Variants in CNGA3 observed in about 807,000 individuals in gnomAD.
The protein encoded by CNGA3 is cyclic nucleotide gated channel subunit alpha 3.
CNGA3 carries 42 observed loss-of-function variants against 46.6 expected under a neutral mutation model. The ratio of observed to expected loss-of-function variants is 0.90; its 90% CI spans 0.70 to 1.17. The LOEUF (loss-of-function observed/expected upper bound fraction) is 1.17. CNGA3 is among the 50% of genes most tolerant of loss of function. The pLI is 0.00. For synonymous variants in CNGA3, 394 were observed against 369.4 expected, an observed-to-expected ratio of 1.07 and a Z score of -0.76; for missense variants, 893 against 890.7, an observed-to-expected ratio of 1.00 and a Z score of -0.03.
chr2:98,397,020 C>T lies in CNGA3; in HGVS notation c.1850C>T (p.Ala617Val). The change falls in exon 8 of 8, where the codon GCC (alanine) becomes GTC (valine). Residue 617 changes from alanine (A) to valine (V), a missense_variant. By Grantham distance (64) the Ala-to-Val change is moderately conservative (BLOSUM62 0). Around this residue, in one of 3 missense-constraint regions of CNGA3, gnomAD observed 548 missense variants for 570.8 expected, o/e 0.96. Transcript: ENST00000272602. The stretch of plus-strand genomic sequence containing the variant: ...GACAACCTGATCGATGAGGAGCTGG[C>T]CAGGGCGGGCGCGGACCCCAAGGAC... ...MKDNLIDEEL[A>V]RAGADPKDLE... The T allele has an allele frequency of 6.2e-7, 1 of 1,613,940 alleles. No individual in the cohort carries two copies. The highest frequency in any genetic ancestry group is 8.5e-7 in the Non-Finnish European group (1 of 1,179,926).
intron 1 of CNGA3, among the ~76,000 whole-genome samples, chr2:98,368,735 C>G (rs945434832): frequency 6.6e-6 from 1 of 152,170 alleles, no homozygotes; most frequent in Non-Finnish European, 1.5e-5. Flanking sequence ...TCCCAAAACT[C>G]AGGGATCAGG....
At chr2:98,367,256 G>A (rs1477496886) in intron 1 of CNGA3, among the ~76,000 whole-genome samples, 3 of 148,292 alleles carry the variant, frequency 2.0e-5, no homozygotes, top group East Asian at 2.0e-4. Context: ...GTGCAGTGGC[G>A]CGATCTCGGC....
At chr2:98,394,030 C>A (rs1347953089) in intron 7 of CNGA3, among the ~76,000 whole-genome samples, 1 of 151,042 alleles carries the variant, frequency 6.6e-6, no homozygotes, top group Non-Finnish European at 1.5e-5. Context: ...GGCCTGGACC[C>A]GCAGCCCTAG....
intron 4 of CNGA3, among the ~76,000 whole-genome samples, chr2:98,380,723 A>G (rs1264077587): frequency 1.3e-5 from 2 of 152,172 alleles, no homozygotes; most frequent in Non-Finnish European, 2.9e-5. Flanking sequence ...AGACTCCACT[A>G]TGACCCATCT....
chr2:98,353,199 A>G (rs1416624714), intron 1 of CNGA3, among the ~76,000 whole-genome samples: 1 of 152,238 alleles, frequency 6.6e-6, no homozygotes, highest in Non-Finnish European at 1.5e-5. Flanking sequence ...GTGGACGTGT[A>G]CAGTTCAAAC....
At chr2:98,394,538 A>G (rs1050496387) in intron 7 of CNGA3, among the ~76,000 whole-genome samples, 2 of 152,194 alleles carry the variant, frequency 1.3e-5, no homozygotes, top group African/African-American at 2.4e-5. Context: ...ATGAATCCCC[A>G]TGTACCCTCA....
intron 1 of CNGA3, among the ~76,000 whole-genome samples, chr2:98,367,315 C>T (rs1692185980): frequency 6.6e-6 from 1 of 151,836 alleles, no homozygotes; most frequent in Non-Finnish European, 1.5e-5. Context: ...CTGCCTCAGC[C>T]TCCCGAGTAG....
chr2:98,382,876 T>C (rs1413506880), intron 4 of CNGA3, among the ~76,000 whole-genome samples: 1 of 152,146 alleles, frequency 6.6e-6, no homozygotes, highest in African/African-American at 2.4e-5. Flanking sequence ...CCACCTATGC[T>C]CAATTACTTG....
intron 1 of CNGA3, among the ~76,000 whole-genome samples, chr2:98,368,196 C>T (rs1009953233): frequency 6.6e-6 from 1 of 152,252 alleles, no homozygotes; most frequent in Non-Finnish European, 1.5e-5. Flanking sequence ...GAGCCGATGG[C>T]TGCCCTTTTG....
intron 7 of CNGA3, among the ~76,000 whole-genome samples, chr2:98,394,833 G>A (rs888796914): frequency 6.6e-6 from 1 of 152,194 alleles, no homozygotes; most frequent in Non-Finnish European, 1.5e-5. Flanking sequence ...CCAGATAGCT[G>A]TAATTTCACA....
chr2:98,381,107 C>G (rs968257381), intron 4 of CNGA3, among the ~76,000 whole-genome samples: 1 of 152,102 alleles, frequency 6.6e-6, no homozygotes, highest in Non-Finnish European at 1.5e-5. Flanking sequence ...AGAAGTCTCC[C>G]CAGCAGGTGG....
Position 98,378,187 on chromosome 2 carries a change from A to AG in CNGA3, c.215+390dup, listed in dbSNP as rs778662067. On this transcript the variant is annotated intron_variant, in intron 3 of 7. Coordinates refer to ENST00000272602, the MANE Select transcript of CNGA3 (RefSeq NM_001298.3). Reference sequence around the variant, plus strand: ...GTGATGAGTCTGAAATGGCTCTGGCAGGGTCTCCCGGGTGCTCGTCTGGAC... The same window carrying AG: ...GTGATGAGTCTGAAATGGCTCTGGCAGGGGTCTCCCGGGTGCTCGTCTGGAC... 2.6e-6 allele frequency: 4 copies of AG among 1,550,572 alleles called. No individual in the cohort carries two copies. The East Asian group carries it at 7.3e-5, about 28-fold the overall frequency.
chr2:98,346,690 C>T (rs535123990), intron 1 of CNGA3, among the ~76,000 whole-genome samples, 156 bp downstream of exon 1: 2 of 152,132 alleles, frequency 1.3e-5, no homozygotes, highest in Non-Finnish European at 2.9e-5. Context: ...GTCCGCAGCC[C>T]CCGGTGCTGA....
intron 3 of CNGA3, among the ~76,000 whole-genome samples, chr2:98,378,648 G>A (rs920013242): frequency 2.0e-5 from 3 of 152,212 alleles, no homozygotes; most frequent in Non-Finnish European, 4.4e-5. Flanking sequence ...TGTAAGTGAT[G>A]TTCAGTGTTT....
In CNGA3 at chr2:98,396,443, C is replaced by G. The variant is rs571419754; in HGVS notation, c.1273C>G (p.Gln425Glu). 2.3e-5 allele frequency: 37 copies of G among 1,613,892 alleles called. No individual in the cohort carries two copies. ...AKIDSIKQYM[Q>E]FRKVTKDLET... ...GATTGATTCCATCAAGCAGTACATG[C>G]AGTTCCGCAAGGTCACCAAGGACTT... The change falls in exon 8 of 8, where the codon CAG (glutamine) becomes GAG (glutamate). Residue 425 changes from glutamine to glutamate, a missense_variant. By Grantham distance (29) the Gln-to-Glu change is conservative. This residue lies in a region of CNGA3 where 548 missense variants were observed against 570.8 expected (regional missense o/e 0.96). Transcript: ENST00000272602.
At chr2:98,348,979 T>A (rs935361288) in intron 1 of CNGA3, among the ~76,000 whole-genome samples, 5 of 152,086 alleles carry the variant, frequency 3.3e-5, no homozygotes, top group African/African-American at 1.2e-4. Context: ...AAACTTGAAA[T>A]CAACTGGCCA....
At chr2:98,348,667 A>G (rs138314499) in intron 1 of CNGA3, among the ~76,000 whole-genome samples, 1 of 152,198 alleles carries the variant, frequency 6.6e-6, no homozygotes, top group East Asian at 1.9e-4. Context: ...TTTTTTCTCT[A>G]CTGAGGCTGG....
chr2:98,395,784 T>C, intron 7 of CNGA3, 60 bp from the exon 8 acceptor site: 3 of 1,403,402 alleles, frequency 2.1e-6, no homozygotes, highest in Non-Finnish European at 3.0e-6. Flanking sequence ...TGTTTCTTTG[T>C]ACTATGGTCA....
rs777441841 is a variant in CNGA3 at position 98,396,799 on chromosome 2, T to A, written c.1629T>A (p.Asp543Glu). The A allele has an allele frequency of 4.1e-5, 66 of 1,614,066 alleles. No homozygotes were observed. Among genetic ancestry groups the A allele is most frequent in the Non-Finnish European group, 5.5e-5 (65 of 1,180,040 alleles). Residue 543 changes from aspartate to glutamate, a missense_variant, in exon 8 of 8, where the codon GAT (aspartate) becomes GAA (glutamate). Around this residue, in one of 3 missense-constraint regions of CNGA3, gnomAD observed 548 missense variants for 570.8 expected, o/e 0.96. Transcript: ENST00000272602. ...TCACCCAGTTCGTGGTCCTCAGCGA[T>A]GGCAGCTACTTCGGGGAGATCAGCA... is the stretch of plus-strand genomic sequence containing the variant. ...DGVTQFVVLSDGSYFGEISIL... is the reference protein window; with the variant it reads ...DGVTQFVVLSEGSYFGEISIL...
Sources: allele counts gnomAD v4.1 joint callset (sites outside exome capture counted in the v4.1 genomes callset), GRCh38; gene constraint gnomAD v4.1.1; regional missense constraint gnomAD v4.1.1; transcripts MANE v1.5; gene names NCBI Gene and HGNC (gene_info 2026-07-23, HGNC 2026-07-21).